CYTH3: variants seen among roughly 807,000 people sequenced by gnomAD.
The protein encoded by CYTH3 is cytohesin-3.
CYTH3 carries 23 observed loss-of-function variants against 55.1 expected under a neutral mutation model. The observed-to-expected ratio is 0.42, with a 90% confidence interval of 0.30 to 0.59. CYTH3 has a LOEUF of 0.59. Among genes scored for constraint, CYTH3 ranks in the 20% least tolerant of loss-of-function variants. The probability of loss-of-function intolerance (pLI) is 0.20; values close to 1 mark genes in which losing one functional copy is unlikely to be tolerated. For synonymous variants in CYTH3, 249 were observed against 194.9 expected (o/e 1.28, Z -2.31); for missense variants, 413 against 524.8 (o/e 0.79, Z 2.08).
chr7:6,186,111 G>A (rs1480797008), intron 4 of CYTH3, among the ~76,000 whole-genome samples: 1 of 151,894 alleles, frequency 6.6e-6, no homozygotes, highest in South Asian at 2.1e-4. Context: ...GGGCGTGGTG[G>A]CGGGCGCCTG....
intron 1 of CYTH3, among the ~76,000 whole-genome samples, chr7:6,196,291 G>A (rs892832880): frequency 2.6e-5 from 4 of 152,096 alleles, no homozygotes; most frequent in African/African-American, 9.7e-5. Context: ...AAGAGATAAC[G>A]TGAGAAGTAG....
Position 6,211,257 on chromosome 7 carries a change from A to T in CYTH3, c.35-20726T>A, listed in dbSNP as rs146458652. ...CCTGATCACCCTGTCTAAAGGACAGACTCTCAGCTCCCTGCACAATCGCTT... is the reference window on the plus strand; with the variant it reads ...CCTGATCACCCTGTCTAAAGGACAGTCTCTCAGCTCCCTGCACAATCGCTT... On this transcript the variant is annotated intron_variant, in intron 1 of 12. Transcript: ENST00000350796. 2.3e-4 allele frequency among the ~76,000 whole-genome samples: 35 copies of T among 152,232 alleles called. No homozygotes were observed. The East Asian group carries it at 2.5e-3, about 11-fold the overall frequency.
At chr7:6,219,640 G>C (rs1784502959) in intron 1 of CYTH3, among the ~76,000 whole-genome samples, 1 of 152,152 alleles carries the variant, frequency 6.6e-6, no homozygotes, top group Non-Finnish European at 1.5e-5. Context: ...AACCGCACAG[G>C]TAAGATCTAT....
At chr7:6,196,456 C>CTTTTTTTTTTTTTTT (rs5882084) in intron 1 of CYTH3, among the ~76,000 whole-genome samples, 22 of 113,960 alleles carry the variant, frequency 1.9e-4, no homozygotes, top group Non-Finnish European at 3.3e-4. Context: ...TTCTTTTTTT[C>CTTTTTTTTTTTTTTT]TTTTTTTTTT....
At chr7:6,195,058 C>T (rs1021195789) in intron 1 of CYTH3, among the ~76,000 whole-genome samples, 1 of 151,920 alleles carries the variant, frequency 6.6e-6, no homozygotes, top group Non-Finnish European at 1.5e-5. Flanking sequence ...ATATCTTCTT[C>T]CTAAATAAGC....
At chr7:6,199,316 G>A (rs1013821625) in intron 1 of CYTH3, among the ~76,000 whole-genome samples, 1 of 152,266 alleles carries the variant, frequency 6.6e-6, no homozygotes, top group East Asian at 1.9e-4. Flanking sequence ...CCACAATGGA[G>A]TAACAGGGAC....
intron 4 of CYTH3, among the ~76,000 whole-genome samples, chr7:6,185,498 C>T (rs1276527879): frequency 6.6e-6 from 1 of 152,018 alleles, no homozygotes; most frequent in Admixed American, 6.6e-5. Flanking sequence ...AGATCGAGAC[C>T]ATCCTAGCTA....
At chr7:6,266,021 T>C (rs868516349) in intron 1 of CYTH3, among the ~76,000 whole-genome samples, 20 of 151,626 alleles carry the variant, frequency 1.3e-4, no homozygotes, top group Non-Finnish European at 2.9e-5. Flanking sequence ...CTGGTTTCAT[T>C]ATTCTTTGTA....
chr7:6,221,571 C>T (rs1784553917), intron 1 of CYTH3, among the ~76,000 whole-genome samples: 1 of 152,164 alleles, frequency 6.6e-6, no homozygotes, highest in African/African-American at 2.4e-5. Flanking sequence ...TGTCAGCTTC[C>T]TGATTTTGAT....
At chr7:6,205,923 T>C (rs1268279262) in intron 1 of CYTH3, among the ~76,000 whole-genome samples, 1 of 118,698 alleles carries the variant, frequency 8.4e-6, no homozygotes, top group Non-Finnish European at 1.8e-5. Flanking sequence ...TAGAAAATAA[T>C]TTTGTTGAAA....
intron 1 of CYTH3, among the ~76,000 whole-genome samples, chr7:6,258,225 A>C (rs1034692771): frequency 6.6e-6 from 1 of 150,768 alleles, no homozygotes; most frequent in African/African-American, 2.5e-5. Context: ...AGGTGGGGGG[A>C]TCACTGGAGC....
chr7:6,186,803 G>A (rs1271408126), intron 4 of CYTH3, among the ~76,000 whole-genome samples: 1 of 152,172 alleles, frequency 6.6e-6, no homozygotes, highest in African/African-American at 2.4e-5. Context: ...TGCCTGTGAG[G>A]CTGCTTCCTC....
chr7:6,263,775 G>T (rs929646022), intron 1 of CYTH3, among the ~76,000 whole-genome samples: 2 of 150,060 alleles, frequency 1.3e-5, no homozygotes, highest in Non-Finnish European at 3.0e-5. Flanking sequence ...TCCAGCCTGG[G>T]AAACAGAGTG....
At chr7:6,215,649 TAA>T (rs920835486) in intron 1 of CYTH3, among the ~76,000 whole-genome samples, 4 of 151,576 alleles carry the variant, frequency 2.6e-5, no homozygotes, top group Non-Finnish European at 5.9e-5. Context: ...AAACATTTTT[TAA>T]TAGGTGAAAA....
chr7:6,242,309 G>A (rs923038987), intron 1 of CYTH3, among the ~76,000 whole-genome samples: 1 of 150,554 alleles, frequency 6.6e-6, no homozygotes, highest in African/African-American at 2.4e-5. Context: ...ATCTCCTGAC[G>A]TCATGATCCA....
intron 1 of CYTH3, among the ~76,000 whole-genome samples, chr7:6,254,129 C>T: frequency 6.6e-6 from 1 of 151,948 alleles, no homozygotes; most frequent in East Asian, 1.9e-4. Flanking sequence ...TTGAAGTGAG[C>T]TGAGAGATCG....
chr7:6,259,757 TTATATA>T (rs374899666), intron 1 of CYTH3, among the ~76,000 whole-genome samples: 1 of 37,466 alleles, frequency 2.7e-5, no homozygotes, highest in Non-Finnish European at 3.7e-5. Flanking sequence ...TATATATATA[TTATATA>T]TATATATATT....
At chr7:6,235,402 G>C (rs1381902811) in intron 1 of CYTH3, among the ~76,000 whole-genome samples, 3 of 151,660 alleles carry the variant, frequency 2.0e-5, no homozygotes, top group African/African-American at 7.3e-5. Context: ...GCTTGAACCT[G>C]GCTGAGGGTG....
chr7:6,252,840 C>A (rs1355188724), intron 1 of CYTH3, among the ~76,000 whole-genome samples: 1 of 152,122 alleles, frequency 6.6e-6, no homozygotes. Flanking sequence ...AAGTTCATTT[C>A]TTTATAAAAC....
Sources: allele counts gnomAD v4.1 joint callset (sites outside exome capture counted in the v4.1 genomes callset), GRCh38; gene constraint gnomAD v4.1.1; transcripts MANE v1.5; gene names NCBI Gene and HGNC (gene_info 2026-07-23, HGNC 2026-07-21).